Variants in DPP6 observed in about 807,000 individuals in gnomAD.
DPP6 encodes the protein dipeptidyl peptidase like 6, also known as A-type potassium channel modulatory protein DPP6.
A neutral mutation model predicts 122.6 loss-of-function variants in DPP6; 69 were observed. The observed-to-expected ratio is 0.56, with a 90% CI of 0.46 to 0.69. The LOEUF (loss-of-function observed/expected upper bound fraction) is 0.69. DPP6 is among the 30% of genes least tolerant of loss of function. DPP6 has a pLI of 0.00. For synonymous variants in DPP6, 418 were observed against 433.1 expected, an observed-to-expected ratio of 0.97 and a Z score of 0.43; for missense variants, 928 against 1,116.9, an observed-to-expected ratio of 0.83 and a Z score of 2.41.
chr7:154,789,098 C>G (rs868384564), intron 10 of DPP6, among the ~76,000 whole-genome samples: 61 of 152,176 alleles, frequency 4.0e-4, no homozygotes, highest in African/African-American at 1.4e-3. Flanking sequence ...CACCTGATAC[C>G]TGGCCACAGA....
intron 1 of DPP6, among the ~76,000 whole-genome samples, chr7:154,087,227 CAAGG>C (rs1452215938): frequency 6.6e-6 from 1 of 151,810 alleles, no homozygotes; most frequent in Non-Finnish European, 1.5e-5. Context: ...GGCTGGCACA[CAAGG>C]AAGGGAAAGG....
At chr7:153,887,758 C>T (rs1798997461) in intron 1 of DPP6, 3 of 1,611,354 alleles carry the variant, frequency 1.9e-6, no homozygotes, top group African/African-American at 2.7e-5. Context: ...ACAGGGCGCG[C>T]GCTGGGTCGG....
chr7:153,755,466 T>G, the DPP6 span, among the ~76,000 whole-genome samples: 2 of 147,060 alleles, frequency 1.4e-5, no homozygotes, highest in Admixed American at 6.9e-5. Flanking sequence ...AAACTATCAC[T>G]TGTCAAATCT....
chr7:153,813,254 C>T, the DPP6 span, among the ~76,000 whole-genome samples: 1 of 151,088 alleles, frequency 6.6e-6, no homozygotes, highest in Non-Finnish European at 1.5e-5. Flanking sequence ...TCAGTTCCCA[C>T]CTATGAGTGA....
chr7:153,972,891 C>T (rs1474720104), intron 1 of DPP6, among the ~76,000 whole-genome samples: 1 of 151,684 alleles, frequency 6.6e-6, no homozygotes, highest in Non-Finnish European at 1.5e-5. Context: ...ATAAAATAGA[C>T]CACGTGAAGA....
chr7:154,555,910 A>G (rs1274558280), intron 4 of DPP6, among the ~76,000 whole-genome samples: 1 of 152,098 alleles, frequency 6.6e-6, no homozygotes, highest in Non-Finnish European at 1.5e-5. Context: ...ATAAGAAAAC[A>G]ATATTTAAAA....
the DPP6 span, among the ~76,000 whole-genome samples, chr7:153,866,596 G>A: frequency 1.1e-4 from 16 of 152,064 alleles, no homozygotes; most frequent in African/African-American, 3.9e-4. Context: ...CCATTCTGTA[G>A]GTTGCCTGTT....
intron 1 of DPP6, among the ~76,000 whole-genome samples, chr7:154,235,731 T>C (rs1801173904): frequency 6.6e-6 from 1 of 152,256 alleles, no homozygotes; most frequent in African/African-American, 2.4e-5. Flanking sequence ...CTCGAAGTGA[T>C]AATTAAAAGT....
chr7:154,558,526 T>G (rs80274968), intron 4 of DPP6, among the ~76,000 whole-genome samples: 15 of 152,330 alleles, frequency 9.8e-5, no homozygotes, highest in African/African-American at 3.4e-4. Flanking sequence ...TGTAGGACAT[T>G]GGTCCCCTAA....
At chr7:154,465,271 T>G (rs1296122095) in intron 2 of DPP6, among the ~76,000 whole-genome samples, 1 of 152,242 alleles carries the variant, frequency 6.6e-6, no homozygotes, top group Non-Finnish European at 1.5e-5. Context: ...AAAATACAAA[T>G]TTTATTAGTC....
At chr7:154,704,487 G>C (rs1840712265) in intron 7 of DPP6, among the ~76,000 whole-genome samples, 1 of 152,158 alleles carries the variant, frequency 6.6e-6, no homozygotes, top group Non-Finnish European at 1.5e-5. Context: ...AATAGGATTG[G>C]GTGCTACAGG....
the DPP6 span, among the ~76,000 whole-genome samples, chr7:153,865,467 G>A: frequency 5.9e-3 from 903 of 152,094 alleles, 17 homozygotes; most frequent in African/African-American, 0.02. Flanking sequence ...TTGTAATATC[G>A]TTGTCACCTC....
At chr7:154,001,975 G>T (rs1421332806) in intron 1 of DPP6, among the ~76,000 whole-genome samples, 3 of 151,658 alleles carry the variant, frequency 2.0e-5, no homozygotes, top group Non-Finnish European at 4.4e-5. Context: ...AGGTTTCATT[G>T]TCTGTGCCAC....
the DPP6 span, among the ~76,000 whole-genome samples, chr7:153,812,365 A>G: frequency 6.6e-6 from 1 of 152,066 alleles, no homozygotes; most frequent in Non-Finnish European, 1.5e-5. Context: ...TTTTCTTAAT[A>G]TCATTTTTGT....
At chr7:154,257,215 C>A (rs953708944) in intron 1 of DPP6, among the ~76,000 whole-genome samples, 9 of 151,892 alleles carry the variant, frequency 5.9e-5, no homozygotes, top group South Asian at 2.1e-4. Flanking sequence ...TCTCGTGCTC[C>A]TGCCCAAAAG....
At chr7:154,336,041 T>C (rs1809385965) in intron 1 of DPP6, among the ~76,000 whole-genome samples, 2 of 152,016 alleles carry the variant, frequency 1.3e-5, no homozygotes, top group Admixed American at 1.3e-4. Context: ...GTCCATGTTT[T>C]ACTACTGTAT....
intron 1 of DPP6, among the ~76,000 whole-genome samples, chr7:154,371,192 A>G (rs984810422): frequency 5.9e-5 from 9 of 152,002 alleles, no homozygotes; most frequent in Non-Finnish European, 7.4e-5. Flanking sequence ...AGCCTGGCCA[A>G]CATGGCAAAA....
intron 3 of DPP6, among the ~76,000 whole-genome samples, chr7:154,506,421 G>C (rs1032319588): frequency 1.3e-5 from 2 of 152,056 alleles, no homozygotes; most frequent in Non-Finnish European, 2.9e-5. Context: ...CCACATTCCT[G>C]AGATTTTTTT....
intron 1 of DPP6, among the ~76,000 whole-genome samples, chr7:154,329,084 T>G (rs776829364): frequency 8.5e-5 from 13 of 152,266 alleles, no homozygotes; most frequent in Non-Finnish European, 1.6e-4. Context: ...TTAGCCCTAC[T>G]TATCTCTTAA....
Sources: gnomAD v4.1 joint callset for allele counts (sites outside exome capture counted in the v4.1 genomes callset) on GRCh38, gnomAD v4.1.1 for gene constraint, MANE v1.5 for transcripts, NCBI Gene and HGNC (gene_info 2026-07-23, HGNC 2026-07-21) for gene names.